TOR1B: variants seen among roughly 807,000 people sequenced by gnomAD.
TOR1B encodes torsin family 1 member B, also known as torsin-1B.
In TOR1B, 14 loss-of-function variants were observed where a neutral mutation model predicts 29.2. That is an observed-to-expected ratio of 0.48 (90% CI 0.32 to 0.75). TOR1B has a LOEUF of 0.75. TOR1B is among the 30% of genes least tolerant of loss of function. TOR1B has a pLI of 0.04. For missense variants in TOR1B, 400 were observed against 433.9 expected, an observed-to-expected ratio of 0.92 and a Z score of 0.69; for synonymous variants, 166 against 179.8, an observed-to-expected ratio of 0.92 and a Z score of 0.62.
intron 3 of TOR1B, among the ~76,000 whole-genome samples, chr9:129,807,580 C>T (rs1327821040): frequency 1.3e-5 from 2 of 152,068 alleles, no homozygotes; most frequent in East Asian, 1.9e-4. Flanking sequence ...GGGCCAGGCG[C>T]GGTGGCTCAC....
intron 3 of TOR1B, among the ~76,000 whole-genome samples, chr9:129,808,313 C>T (rs1363878214): frequency 6.6e-6 from 1 of 151,928 alleles, no homozygotes; most frequent in African/African-American, 2.4e-5. Context: ...GGCTGGCCAA[C>T]ATGGTGAAAC....
rs769705110 is a variant in TOR1B, at chr9:129,808,934, C to T, written c.671C>T (p.Thr224Met). The T allele has an allele frequency of 9.9e-6, 16 of 1,613,864 alleles. No homozygotes were observed. The highest frequency in any genetic ancestry group is 1.6e-4 in the Middle Eastern group (1 of 6,062). The change falls in exon 4 of 5, where the codon ACG (threonine) becomes ATG (methionine). Residue 224 changes from threonine (T) to methionine (M), a missense_variant. Thr to Met is a moderately conservative substitution (Grantham distance 81). Coordinates refer to ENST00000259339, the MANE Select transcript of TOR1B (RefSeq NM_014506.3). ...SNAGGDLITK[T>M]ALDFWRAGRK... ...GCAGGCGGGGACCTTATAACTAAGACGGCTCTTGACTTTTGGCGGGCCGGA... is the reference window on the plus strand; with the variant it reads ...GCAGGCGGGGACCTTATAACTAAGATGGCTCTTGACTTTTGGCGGGCCGGA...
In TOR1B at chr9:129,810,116, G is replaced by A. The variant is rs183708168; in HGVS notation, c.*533G>A. On this transcript the variant is annotated 3_prime_UTR_variant, in exon 5 of 5. Coordinates refer to ENST00000259339, the MANE Select transcript of TOR1B (RefSeq NM_014506.3). ...CTACGGTCACAACTAAAGGAGTCCA[G>A]GGACTTGCTGCAGGCTGGGGGGCAC... The A allele has an allele frequency of 1.3e-5, 17 of 1,296,946 alleles. No individual in the cohort carries two copies. The highest frequency in any genetic ancestry group is 4.6e-5 in the Admixed American group (2 of 43,426). The allele number at this position is 1,296,946 out of a possible 1,614,324, so 80.3% of individuals were successfully genotyped here. A position where few individuals can be genotyped will look rare whatever the true frequency, so the allele number is the denominator to read the frequency against.
chr9:129,803,724 C>T (rs1298933508), intron 1 of TOR1B, among the ~76,000 whole-genome samples: 1 of 152,216 alleles, frequency 6.6e-6, no homozygotes, highest in African/African-American at 2.4e-5. Flanking sequence ...CCTGCCAACC[C>T]TATTAAGTAG....
chr9:129,803,520 T>C, intron 1 of TOR1B, 109 bp downstream of exon 1: 1 of 1,174,584 alleles, frequency 8.5e-7, no homozygotes, highest in Non-Finnish European at 1.1e-6. Flanking sequence ...CCGTGGCATC[T>C]AGACGGCGGT....
chr9:129,809,127 G>C, intron 4 of TOR1B, 95 bp downstream of exon 4: 1 of 1,530,208 alleles, frequency 6.5e-7, no homozygotes, highest in Non-Finnish European at 8.7e-7. Context: ...GATCCCACTG[G>C]ATTTCCTCAC....
chr9:129,810,344 TGTG>T lies in TOR1B; in HGVS notation c.*762_*764del, dbSNP rs2030779728. On this transcript the variant is annotated 3_prime_UTR_variant, in exon 5 of 5. Coordinates refer to ENST00000259339, the MANE Select transcript of TOR1B (RefSeq NM_014506.3). Reference sequence around the variant, plus strand: ...CTTGATCTGAGCTGACCTGTGTGTGTGTGTGTGGGGGGGTGGGGCCTTCACCTA... The same window carrying T: ...CTTGATCTGAGCTGACCTGTGTGTGTTGTGGGGGGGTGGGGCCTTCACCTA... 2.2e-6 allele frequency: 2 copies of T among 901,818 alleles called. No individual in the cohort carries two copies. The highest frequency in any genetic ancestry group is 2.3e-5 in the African/African-American group (1 of 43,688). The allele number at this position is 901,818 out of a possible 1,614,324, so 55.9% of individuals were successfully genotyped here.
In TOR1B at chr9:129,810,534, A is replaced by C; in HGVS notation, c.*951A>C. The stretch of plus-strand genomic sequence containing the variant: ...CTTGGATCTCTGCTAGAGTCCCCCC[A>C]ACCATATATCATAGAGTTGAATCAC... On this transcript the variant is annotated 3_prime_UTR_variant, in exon 5 of 5. Transcript: ENST00000259339. 1.3e-6 allele frequency: 1 copy of C among 752,164 alleles called. No individual in the cohort carries two copies. Among genetic ancestry groups the C allele is most frequent in the South Asian group, 3.1e-5 (1 of 32,338 alleles). 46.6% of individuals were successfully genotyped at this position (752,164 alleles called of 1,614,324 possible). A position where few individuals can be genotyped will look rare whatever the true frequency, so the allele number is the denominator to read the frequency against.
chr9:129,804,592 G>A, intron 2 of TOR1B: 1 of 465,402 alleles, frequency 2.1e-6, no homozygotes. Context: ...TGGCGCCGTG[G>A]CTCACGCCTG....
At position 129,807,349 on chromosome 9, in the gene TOR1B, C is replaced by T; in HGVS notation, c.627C>T (p.Ile209=). Residue 209 remains isoleucine, a synonymous_variant, in exon 3 of 5, where the codon ATC becomes ATT. Coordinates refer to ENST00000259339, the MANE Select transcript of TOR1B (RefSeq NM_014506.3). ...QVDGVSYRKA[I]FIFLSNAGGD... ...ACGGAGTGTCTTACCGCAAAGCCAT[C>T]TTCATCTTTCTCAGGTCAGCGGGAG... The T allele has an allele frequency of 6.2e-7, 1 of 1,614,070 alleles. No individual in the cohort carries two copies. The highest frequency in any genetic ancestry group is 8.5e-7 in the Non-Finnish European group (1 of 1,179,962).
Position 129,804,224 on chromosome 9 carries a change from TGTCA to T in TOR1B, c.356_359del (p.Ser119LysfsTer12). On this transcript the variant is annotated frameshift_variant, in exon 2 of 5. Coordinates refer to ENST00000259339, the MANE Select transcript of TOR1B (RefSeq NM_014506.3). LOFTEE classifies it high-confidence loss of function. ...GCTGGGCTGGCACAGGCAAGAATTT[TGTCA>T]GTCAAATTGTGGCTGAAAATCTTCA... The T allele has an allele frequency of 1.2e-6, 2 of 1,614,248 alleles. No homozygotes were observed. Among genetic ancestry groups the T allele is most frequent in the Non-Finnish European group, 1.7e-6 (2 of 1,180,040 alleles).
intron 1 of TOR1B, among the ~76,000 whole-genome samples, 190 bp from the exon 2 acceptor site, chr9:129,803,883 G>GAA (rs2030311783): frequency 6.6e-6 from 1 of 152,164 alleles, no homozygotes; most frequent in African/African-American, 2.4e-5. Flanking sequence ...ATCAGACCCC[G>GAA]AAGCGTTAAG....
In TOR1B at chr9:129,809,482, G is replaced by C; in HGVS notation, c.910G>C (p.Val304Leu). ...ARGSAIDEDI[V>L]TRVAEEMTFF... ...TGGTTCTGCCATAGATGAAGACATT[G>C]TCACAAGAGTGGCAGAGGAAATGAC... The change falls in exon 5 of 5, where the codon GTC (valine) becomes CTC (leucine). Residue 304 changes from valine (V) to leucine (L), a missense_variant. By Grantham distance (32) the Val-to-Leu change is conservative (BLOSUM62 1). Transcript: ENST00000259339. 2 of 1,614,210 alleles carry C rather than the reference G, an allele frequency of 1.2e-6. No homozygotes were observed. Among genetic ancestry groups the C allele is most frequent in the Non-Finnish European group, 1.7e-6 (2 of 1,180,032 alleles).
At chr9:129,808,245 C>T (rs1425011411) in intron 3 of TOR1B, among the ~76,000 whole-genome samples, 3 of 152,052 alleles carry the variant, frequency 2.0e-5, no homozygotes, top group Non-Finnish European at 4.4e-5. Flanking sequence ...CACCTGTAAT[C>T]CTAGCACTTT....
chr9:129,807,845 CAA>C (rs34329009), intron 3 of TOR1B, among the ~76,000 whole-genome samples: 23,870 of 103,078 alleles, frequency 0.23, 2,236 homozygotes, highest in Non-Finnish European at 0.3. Context: ...GACTCTGTCT[CAA>C]AAAAAAAAAA....
Position 129,810,486 on chromosome 9 carries a change from G to A in TOR1B, c.*903G>A. On this transcript the variant is annotated 3_prime_UTR_variant, in exon 5 of 5. Coordinates refer to ENST00000259339, the MANE Select transcript of TOR1B (RefSeq NM_014506.3). ...ACCGTCTCAGCTGGTATCAGCCCCA[G>A]CCTGCCTTGTGCCATATCTCAGCTT... 2.7e-6 allele frequency: 3 copies of A among 1,125,194 alleles called. No homozygotes were observed. The highest frequency in any genetic ancestry group is 3.4e-6 in the Non-Finnish European group (3 of 894,526). The allele number at this position is 1,125,194 out of a possible 1,614,324, so 69.7% of individuals were successfully genotyped here.
At position 129,807,263 on chromosome 9, in the gene TOR1B, A is replaced by G; in HGVS notation, c.541A>G (p.Lys181Glu). ...TGTTTTCATATTTGACGAGATGGATAAATTGCACCCCGGGATCATTGACGC... is the reference window on the plus strand; with the variant it reads ...TGTTTTCATATTTGACGAGATGGATGAATTGCACCCCGGGATCATTGACGC... ...NSVFIFDEMD[K>E]LHPGIIDAIK... Residue 181 changes from lysine to glutamate, a missense_variant, in exon 3 of 5, where the codon AAA (lysine) becomes GAA (glutamate). By Grantham distance (56) the Lys-to-Glu change is moderately conservative. Coordinates refer to ENST00000259339, the MANE Select transcript of TOR1B (RefSeq NM_014506.3). The G allele has an allele frequency of 6.2e-7, 1 of 1,614,182 alleles. No homozygotes were observed. Among genetic ancestry groups the G allele is most frequent in the Non-Finnish European group, 8.5e-7 (1 of 1,180,042 alleles).
rs374145471 is a variant in TOR1B, at chr9:129,811,280, T to C, written c.*1697T>C. 1.3e-5 allele frequency: 2 copies of C among 152,198 alleles called. No homozygotes were observed. Among genetic ancestry groups the C allele is most frequent in the East Asian group, 1.9e-4 (1 of 5,206 alleles). 9.4% of individuals were successfully genotyped at this position (152,198 alleles called of 1,614,324 possible). A position where few individuals can be genotyped will look rare whatever the true frequency, so the allele number is the denominator to read the frequency against. On this transcript the variant is annotated 3_prime_UTR_variant, in exon 5 of 5. Transcript: ENST00000259339. The stretch of plus-strand genomic sequence containing the variant: ...GAGGCAATAAATATGTTTGCCACCT[T>C]TGGACTGCCGTTACTGATTTGTAAC...
chr9:129,803,426 C>T lies in TOR1B; in HGVS notation c.199+15C>T. 1.3e-6 allele frequency: 2 copies of T among 1,489,542 alleles called. No individual in the cohort carries two copies. The highest frequency in any genetic ancestry group is 2.1e-5 in the Admixed American group (1 of 47,884). 92.3% of individuals were successfully genotyped at this position (1,489,542 alleles called of 1,614,324 possible). ...CAACGCTTCGGGTACGGCGCGCGCG[C>T]GAGCTGTGGGTCGGCGCTGCGGGGG... On this transcript the variant is annotated intron_variant, in intron 1 of 4. Coordinates refer to ENST00000259339, the MANE Select transcript of TOR1B (RefSeq NM_014506.3).
Sources: gnomAD v4.1 joint callset for allele counts (sites outside exome capture counted in the v4.1 genomes callset) on GRCh38, gnomAD v4.1.1 for gene constraint, MANE v1.5 for transcripts, NCBI Gene and HGNC (gene_info 2026-07-23, HGNC 2026-07-21) for gene names.